Variants in MSRA observed in about 807,000 individuals in gnomAD.
MSRA encodes methionine sulfoxide reductase A, also known as mitochondrial peptide methionine sulfoxide reductase.
A neutral mutation model predicts 31.3 loss-of-function variants in MSRA; 54 were observed. The observed-to-expected ratio is 1.73, with a 90% CI of 1.39 to 2.17. The LOEUF (loss-of-function observed/expected upper bound fraction) is 2.17, where lower values mean the gene tolerates loss of function less well. Ranked by LOEUF, MSRA falls within the 30% of genes most tolerant of loss-of-function variation. MSRA has a pLI of 0.00. For synonymous variants in MSRA, 169 were observed against 116.5 expected (o/e 1.45, Z -2.90); for missense variants, 507 against 300.9 (o/e 1.69, Z -5.07).
intron 1 of MSRA, among the ~76,000 whole-genome samples, chr8:10,186,432 T>A (rs989757470): frequency 1.3e-5 from 2 of 152,150 alleles, no homozygotes; most frequent in Non-Finnish European, 2.9e-5. Context: ...CAAATTTGAA[T>A]CTCTTAGAAT....
chr8:10,160,821 C>T (rs1804574653), intron 1 of MSRA, among the ~76,000 whole-genome samples: 1 of 152,184 alleles, frequency 6.6e-6, no homozygotes, highest in African/African-American at 2.4e-5. Context: ...AGCCATCGTA[C>T]CCGGCCGAGA....
rs538762541 is a variant in MSRA at position 10,217,076 on chromosome 8, A to G, written c.211+9175A>G. Among the ~76,000 whole-genome samples the G allele has an allele frequency of 9.8e-5, 15 of 152,286 alleles. No individual in the cohort carries two copies. The East Asian group carries it at 2.3e-3, about 23-fold the overall frequency. The stretch of plus-strand genomic sequence containing the variant: ...CCTTGCCAACCCTTGTTATTTATTT[A>G]TTTTTAAAAATTATAGCCATCCTAA... On this transcript the variant is annotated intron_variant, in intron 2 of 5. Transcript: ENST00000317173.
At chr8:10,323,506 A>T (rs1012621490) in intron 5 of MSRA, among the ~76,000 whole-genome samples, 1 of 152,104 alleles carries the variant, frequency 6.6e-6, no homozygotes, top group African/African-American at 2.4e-5. Flanking sequence ...CTTATCACCG[A>T]ATTTTCCAGT....
At chr8:10,167,502 C>T (rs1454077331) in intron 1 of MSRA, among the ~76,000 whole-genome samples, 2 of 152,188 alleles carry the variant, frequency 1.3e-5, no homozygotes, top group African/African-American at 4.8e-5. Flanking sequence ...AGGCTTATTT[C>T]TTCCCTTTAA....
chr8:10,408,540 T>C (rs1279790188), intron 5 of MSRA, among the ~76,000 whole-genome samples: 1 of 152,136 alleles, frequency 6.6e-6, no homozygotes, highest in African/African-American at 2.4e-5. Flanking sequence ...ACCGTATTTC[T>C]AAATAAATAA....
intron 3 of MSRA, among the ~76,000 whole-genome samples, chr8:10,286,159 G>T (rs184316363): frequency 2.0e-5 from 3 of 152,118 alleles, no homozygotes; most frequent in African/African-American, 7.2e-5. Flanking sequence ...TATGGTGCTC[G>T]TCATTTTCAA....
chr8:10,409,131 G>C (rs1366616244), intron 5 of MSRA, among the ~76,000 whole-genome samples: 1 of 152,164 alleles, frequency 6.6e-6, no homozygotes, highest in African/African-American at 2.4e-5. Context: ...TTAGTTCTTT[G>C]AGAAATCTCC....
chr8:10,407,521 A>G (rs932668324), intron 5 of MSRA, among the ~76,000 whole-genome samples: 1 of 152,206 alleles, frequency 6.6e-6, no homozygotes, highest in Non-Finnish European at 1.5e-5. Flanking sequence ...GATGATGGCA[A>G]TGAAATGTGT....
chr8:10,288,558 G>T (rs771809832), intron 3 of MSRA, among the ~76,000 whole-genome samples: 1 of 152,176 alleles, frequency 6.6e-6, no homozygotes, highest in Admixed American at 6.5e-5. Context: ...GGGCTGTGGT[G>T]TAAAATAACT....
chr8:10,157,399 G>C (rs1176919806), intron 1 of MSRA, among the ~76,000 whole-genome samples: 1 of 152,054 alleles, frequency 6.6e-6, no homozygotes, highest in Non-Finnish European at 1.5e-5. Flanking sequence ...TGGTTGGTCT[G>C]GTTGATATCT....
intron 1 of MSRA, among the ~76,000 whole-genome samples, chr8:10,187,169 C>G (rs531961274): frequency 2.0e-5 from 3 of 152,164 alleles, no homozygotes; most frequent in Non-Finnish European, 4.4e-5. Context: ...GGAAATGGTA[C>G]GACCAGCCGC....
intron 1 of MSRA, among the ~76,000 whole-genome samples, chr8:10,183,745 G>T (rs921405011): frequency 1.3e-5 from 2 of 152,034 alleles, no homozygotes; most frequent in Non-Finnish European, 2.9e-5. Context: ...TAAAGAGGAC[G>T]GTGTGGCATC....
At chr8:10,076,485 T>C (rs1483450696) in intron 1 of MSRA, among the ~76,000 whole-genome samples, 1 of 152,158 alleles carries the variant, frequency 6.6e-6, no homozygotes, top group East Asian at 1.9e-4. Context: ...AAACCCATAG[T>C]CTTATAACCT....
intron 1 of MSRA, among the ~76,000 whole-genome samples, chr8:10,190,767 C>CTA (rs2129053346): frequency 6.6e-6 from 1 of 152,230 alleles, no homozygotes; most frequent in Non-Finnish European, 1.5e-5. Context: ...CTTCTGTGAC[C>CTA]TATGGTTTTT....
intron 1 of MSRA, among the ~76,000 whole-genome samples, chr8:10,099,540 A>G (rs540474530): frequency 1.4e-4 from 21 of 152,356 alleles, no homozygotes; most frequent in South Asian, 8.3e-4. Flanking sequence ...CTGGTACACA[A>G]TGGCCACTTA....
At chr8:10,156,624 G>A (rs1177614011) in intron 1 of MSRA, among the ~76,000 whole-genome samples, 1 of 152,100 alleles carries the variant, frequency 6.6e-6, no homozygotes, top group African/African-American at 2.4e-5. Context: ...GACACATAGA[G>A]ACATGGTGCT....
intron 5 of MSRA, among the ~76,000 whole-genome samples, chr8:10,399,655 T>A (rs1000950954): frequency 3.9e-5 from 6 of 152,186 alleles, no homozygotes; most frequent in Admixed American, 3.3e-4. Context: ...ACCCAGCCTC[T>A]GATATTTATT....
chr8:10,331,027 G>A (rs1802664765), intron 5 of MSRA, among the ~76,000 whole-genome samples: 1 of 152,146 alleles, frequency 6.6e-6, no homozygotes, highest in African/African-American at 2.4e-5. Flanking sequence ...GCAGGCTCTT[G>A]AGCACTCTAT....
intron 1 of MSRA, among the ~76,000 whole-genome samples, chr8:10,074,313 A>G (rs1797888886): frequency 6.6e-6 from 1 of 151,708 alleles, no homozygotes; most frequent in South Asian, 2.1e-4. Context: ...TGATCTCCTG[A>G]CCTCGTGATC....
Sources: allele counts gnomAD v4.1 joint callset (sites outside exome capture counted in the v4.1 genomes callset), GRCh38; gene constraint gnomAD v4.1.1; transcripts MANE v1.5; gene names NCBI Gene and HGNC (gene_info 2026-07-23, HGNC 2026-07-21).